The following DCLK1 variants were observed in gnomAD, a reference collection of about 807,000 sequenced individuals.
DCLK1 encodes the protein doublecortin like kinase 1, also known as serine/threonine-protein kinase DCLK1.
In DCLK1, 16 loss-of-function variants were observed where a neutral mutation model predicts 86.2. The ratio of observed to expected loss-of-function variants is 0.19; its 90% confidence interval spans 0.13 to 0.28. The LOEUF (loss-of-function observed/expected upper bound fraction) is 0.28, where lower values mean the gene tolerates loss of function less well. Ranked by LOEUF, DCLK1 falls within the 10% of genes least tolerant of loss-of-function variation. The pLI, the probability that DCLK1 is intolerant of heterozygous loss-of-function variation, is 1.00. For missense variants in DCLK1, 590 were observed against 940.2 expected (o/e 0.63, Z 4.87); for synonymous variants, 369 against 370.5 (o/e 1.00, Z 0.05).
chr13:36,023,703 C>T (rs1305870), intron 3 of DCLK1, among the ~76,000 whole-genome samples: 124,310 of 151,986 alleles, frequency 0.82, 52,155 homozygotes, highest in Non-Finnish European at 0.93. Context: ...GAAAAACCAT[C>T]TGAGAAACTC....
chr13:35,977,879 A>G (rs1879425141), intron 3 of DCLK1, among the ~76,000 whole-genome samples: 1 of 152,094 alleles, frequency 6.6e-6, no homozygotes, highest in Admixed American at 6.6e-5. Context: ...CCCATGAAGA[A>G]AGTCAAGGTT....
Position 35,774,334 on chromosome 13 carries a change from A to G in DCLK1, c.*201T>C. Reference sequence around the variant, plus strand: ...CCCTTTGAGGACTCTATTAGCAGCAAATTACCATCTTCACAATCACCACGT... The same window carrying G: ...CCCTTTGAGGACTCTATTAGCAGCAGATTACCATCTTCACAATCACCACGT... On this transcript the variant is annotated 3_prime_UTR_variant, in exon 17 of 17. Coordinates refer to ENST00000360631, the MANE Select transcript of DCLK1 (RefSeq NM_001330071.2). The G allele has an allele frequency of 1.4e-6, 1 of 718,618 alleles. No individual in the cohort carries two copies. Among genetic ancestry groups the G allele is most frequent in the Non-Finnish European group, 2.2e-6 (1 of 459,042 alleles). 44.5% of individuals were successfully genotyped at this position (718,618 alleles called of 1,614,324 possible). A position where few individuals can be genotyped will look rare whatever the true frequency, so the allele number is the denominator to read the frequency against.
chr13:35,998,130 AT>A (rs1880552838), intron 3 of DCLK1, among the ~76,000 whole-genome samples: 1 of 152,116 alleles, frequency 6.6e-6, no homozygotes, highest in African/African-American at 2.4e-5. Context: ...TTTTAACATA[AT>A]TTTTTAAATT....
intron 14 of DCLK1, among the ~76,000 whole-genome samples, chr13:35,807,353 A>C (rs1012668957): frequency 1.3e-5 from 2 of 152,212 alleles, no homozygotes; most frequent in Non-Finnish European, 2.9e-5. Flanking sequence ...TTTTAGTTTC[A>C]TGGGATAAAA....
At chr13:35,825,384 G>C (rs1370887714) in intron 10 of DCLK1, among the ~76,000 whole-genome samples, 1 of 152,128 alleles carries the variant, frequency 6.6e-6, no homozygotes, top group Non-Finnish European at 1.5e-5. Flanking sequence ...GGGCTACAGA[G>C]ACCTTCTATG....
intron 5 of DCLK1, among the ~76,000 whole-genome samples, chr13:35,860,225 A>G (rs1354712909): frequency 6.6e-6 from 1 of 151,656 alleles, no homozygotes; most frequent in Non-Finnish European, 1.5e-5. Flanking sequence ...TTTACTCCCT[A>G]ATCATGGTGT....
intron 3 of DCLK1, among the ~76,000 whole-genome samples, chr13:35,963,080 C>T (rs1021480007): frequency 6.6e-6 from 1 of 152,170 alleles, no homozygotes; most frequent in Non-Finnish European, 1.5e-5. Flanking sequence ...TGCACTGCAG[C>T]GAATCAGCAG....
chr13:36,128,415 C>T (rs1190602095), intron 1 of DCLK1, among the ~76,000 whole-genome samples: 1 of 152,174 alleles, frequency 6.6e-6, no homozygotes, highest in East Asian at 1.9e-4. Flanking sequence ...CCATCCCTTG[C>T]TCCTTTGAAA....
At chr13:36,093,667 C>CT (rs1321667679) in intron 3 of DCLK1, among the ~76,000 whole-genome samples, 3 of 151,258 alleles carry the variant, frequency 2.0e-5, no homozygotes, top group South Asian at 2.1e-4. Flanking sequence ...GTTTCCAGTC[C>CT]TTTTTTTTTC....
At chr13:35,944,039 G>A (rs1160797539) in intron 4 of DCLK1, among the ~76,000 whole-genome samples, 2 of 152,114 alleles carry the variant, frequency 1.3e-5, no homozygotes, top group African/African-American at 4.8e-5. Context: ...GAACAAGGAA[G>A]GTGTTATTTT....
At chr13:36,125,277 G>A (rs899002373) in intron 2 of DCLK1, among the ~76,000 whole-genome samples, 1 of 152,044 alleles carries the variant, frequency 6.6e-6, no homozygotes, top group Non-Finnish European at 1.5e-5. Flanking sequence ...CGTAACCACC[G>A]ACATGTCATT....
intron 3 of DCLK1, among the ~76,000 whole-genome samples, chr13:36,097,275 G>A (rs1751725521): frequency 6.6e-6 from 1 of 152,190 alleles, no homozygotes; most frequent in South Asian, 2.1e-4. Context: ...TGGTCAAAGT[G>A]TCTAACACTG....
chr13:35,931,198 G>A (rs955159026), intron 4 of DCLK1, among the ~76,000 whole-genome samples: 11 of 152,070 alleles, frequency 7.2e-5, no homozygotes, highest in East Asian at 3.9e-4. Flanking sequence ...CTCTAGCAGC[G>A]TAACTCAGTT....
At chr13:35,859,532 T>C (rs1258077073) in intron 5 of DCLK1, among the ~76,000 whole-genome samples, 1 of 152,152 alleles carries the variant, frequency 6.6e-6, no homozygotes, top group African/African-American at 2.4e-5. Flanking sequence ...CCCTCCTTTA[T>C]TTCGACTCAG....
chr13:36,064,837 T>C (rs1883692686), intron 3 of DCLK1, among the ~76,000 whole-genome samples: 1 of 152,074 alleles, frequency 6.6e-6, no homozygotes, highest in Non-Finnish European at 1.5e-5. Flanking sequence ...CTATCTCCTA[T>C]CATTAGCATT....
At chr13:35,959,963 G>A (rs1415229475) in intron 3 of DCLK1, among the ~76,000 whole-genome samples, 1 of 151,876 alleles carries the variant, frequency 6.6e-6, no homozygotes, top group African/African-American at 2.4e-5. Flanking sequence ...TCCTGTCCTG[G>A]GAAAGGGTTG....
chr13:35,925,943 C>A (rs76457054), intron 4 of DCLK1, among the ~76,000 whole-genome samples: 17,906 of 152,122 alleles, frequency 0.12, 1,709 homozygotes, highest in African/African-American at 0.27. Context: ...ATATGCTTTA[C>A]TTAAACCCGT....
chr13:36,064,301 G>A (rs1033663796), intron 3 of DCLK1, among the ~76,000 whole-genome samples: 30 of 152,158 alleles, frequency 2.0e-4, no homozygotes, highest in African/African-American at 6.8e-4. Context: ...AAGTTTGCTC[G>A]TGTGCAACAC....
intron 3 of DCLK1, among the ~76,000 whole-genome samples, chr13:36,078,149 T>C (rs936854555): frequency 7.2e-5 from 11 of 152,174 alleles, no homozygotes; most frequent in African/African-American, 2.7e-4. Flanking sequence ...ACCCCAGAGC[T>C]TCCACTCTAC....
Sources: gnomAD v4.1 joint callset for allele counts (sites outside exome capture counted in the v4.1 genomes callset) on GRCh38, gnomAD v4.1.1 for gene constraint, MANE v1.5 for transcripts, NCBI Gene and HGNC (gene_info 2026-07-23, HGNC 2026-07-21) for gene names.